Variants in PI4KA observed in about 807,000 individuals in gnomAD.
The protein encoded by PI4KA is phosphatidylinositol 4-kinase alpha.
Under a neutral mutation model 271.4 loss-of-function variants are expected in PI4KA, and 122 were observed. That is an observed-to-expected ratio of 0.45 (90% CI 0.39 to 0.52). The LOEUF is 0.52. Among genes scored for constraint, PI4KA ranks in the 20% least tolerant of loss-of-function variants. The probability of loss-of-function intolerance (pLI) is 0.00; values close to 1 mark genes in which losing one functional copy is unlikely to be tolerated. For missense variants in PI4KA, 1,969 were observed against 2,769.1 expected, an observed-to-expected ratio of 0.71 and a Z score of 6.48; for synonymous variants, 1,041 against 1,078.8, an observed-to-expected ratio of 0.96 and a Z score of 0.69.
chr22:20,839,595 G>A (rs1925300463), intron 1 of PI4KA, among the ~76,000 whole-genome samples: 1 of 152,232 alleles, frequency 6.6e-6, no homozygotes. Context: ...ACTTTGGTAG[G>A]CCGAGGCAGG....
intron 19 of PI4KA, among the ~76,000 whole-genome samples, chr22:20,791,471 T>C (rs188439215): frequency 2.6e-4 from 39 of 152,034 alleles, no homozygotes; most frequent in African/African-American, 8.7e-4. Context: ...AATCAACCAA[T>C]GGGGCCAGGC....
At chr22:20,832,178 C>A (rs551332214) in intron 3 of PI4KA, among the ~76,000 whole-genome samples, 2 of 144,066 alleles carry the variant, frequency 1.4e-5, no homozygotes, top group Non-Finnish European at 3.0e-5. Flanking sequence ...TGCAGTGGCG[C>A]GATCTCGGCT....
At position 20,747,646 on chromosome 22, in the gene PI4KA, C is replaced by A. The variant is rs776833706; in HGVS notation, c.3300G>T (p.Leu1100=). The change falls in exon 29 of 55, where the codon CTG becomes CTT. Residue 1100 remains leucine (L), a synonymous_variant. Coordinates refer to ENST00000255882, the MANE Select transcript of PI4KA (RefSeq NM_058004.4). The part of the protein sequence containing the change: ...WVSGLSQHTG[L]AMATESILHF... ...GAAGGATGCTCTCAGTGGCCATGGC[C>A]AGCCCCGTGTGCTGGGACAGTCCCG... is the stretch of plus-strand genomic sequence containing the variant. The A allele has an allele frequency of 1.2e-6, 2 of 1,614,104 alleles. No individual in the cohort carries two copies. The highest frequency in any genetic ancestry group is 4.5e-5 in the East Asian group (2 of 44,870).
In PI4KA at chr22:20,727,371, G is replaced by A. The variant is rs200428746; in HGVS notation, c.4800C>T (p.Asp1600=). 52 of 1,607,634 alleles carry A rather than the reference G, an allele frequency of 3.2e-5. 1 individual carries two copies. The highest frequency in any genetic ancestry group is 1.3e-4 in the East Asian group (6 of 44,722). The change falls in exon 41 of 55, where the codon GAC becomes GAT. Residue 1600 remains aspartate, a synonymous_variant. Coordinates refer to ENST00000255882, the MANE Select transcript of PI4KA (RefSeq NM_058004.4). ...CATGGCTGAGCTCTGGAGCATCGGC[G>A]TCGATGGTGTGCCAGGTGACCAGGA... ...IKFLVTWHTI[D]ADAPELSHVL...
At chr22:20,817,670 G>A (rs1482787258) in intron 7 of PI4KA, among the ~76,000 whole-genome samples, 1 of 126,576 alleles carries the variant, frequency 7.9e-6, no homozygotes, top group East Asian at 2.6e-4. Flanking sequence ...GAAGGTTGAA[G>A]CTGCGGTGAG....
chr22:20,729,867 C>T, intron 37 of PI4KA, 25 bp downstream of exon 37: 1 of 1,613,390 alleles, frequency 6.2e-7, no homozygotes, highest in Non-Finnish European at 8.5e-7. Flanking sequence ...CATGTGATGG[C>T]CCCAGCAGCA....
chr22:20,821,394 AT>A (rs1315671884), intron 4 of PI4KA, among the ~76,000 whole-genome samples: 2 of 149,422 alleles, frequency 1.3e-5, no homozygotes, highest in African/African-American at 4.9e-5. Flanking sequence ...AATTTTTTGT[AT>A]TTTTAGTACA....
At chr22:20,751,062 G>A (rs71312786) in intron 27 of PI4KA, among the ~76,000 whole-genome samples, 1 of 152,036 alleles carries the variant, frequency 6.6e-6, no homozygotes, top group African/African-American at 2.4e-5. Context: ...ACATGGCTGA[G>A]GTGGGGGAGC....
At chr22:20,772,809 G>T (rs362024) in intron 19 of PI4KA, among the ~76,000 whole-genome samples, 69,354 of 151,824 alleles carry the variant, frequency 0.46, 16,408 homozygotes, top group African/African-American at 0.57. Context: ...TTATCATAAG[G>T]CCGGGCACAG....
At chr22:20,783,307 CA>C (rs200714843) in intron 19 of PI4KA, among the ~76,000 whole-genome samples, 3,730 of 152,148 alleles carry the variant, frequency 0.025, 53 homozygotes, top group Non-Finnish European at 0.04. Flanking sequence ...GCCATCAAGA[CA>C]GAGCTGAGGC....
intron 45 of PI4KA, among the ~76,000 whole-genome samples, chr22:20,716,529 G>A (rs1422443497): frequency 6.6e-6 from 1 of 152,126 alleles, no homozygotes; most frequent in Non-Finnish European, 1.5e-5. Flanking sequence ...GGGAGAGGGG[G>A]GCATGCCATC....
At chr22:20,839,050 C>G (rs912566660) in intron 1 of PI4KA, among the ~76,000 whole-genome samples, 35 of 152,184 alleles carry the variant, frequency 2.3e-4, no homozygotes, top group African/African-American at 8.4e-4. Context: ...AACCCCATCT[C>G]TACTAAAAAT....
intron 7 of PI4KA, among the ~76,000 whole-genome samples, chr22:20,814,826 A>G (rs1326717998): frequency 2.6e-5 from 4 of 151,856 alleles, no homozygotes; most frequent in Non-Finnish European, 5.9e-5. Context: ...AAAAAAATCA[A>G]CAAAAATAAA....
chr22:20,803,105 G>T, intron 13 of PI4KA, 86 bp downstream of exon 13: 1 of 1,398,586 alleles, frequency 7.2e-7, no homozygotes, highest in Non-Finnish European at 1.0e-6. Context: ...AATGCACCCA[G>T]GTACAGTCAT....
At chr22:20,715,364 C>G (rs1223995310) in intron 45 of PI4KA, among the ~76,000 whole-genome samples, 2 of 152,144 alleles carry the variant, frequency 1.3e-5, no homozygotes, top group African/African-American at 4.8e-5. Flanking sequence ...GCCACTGCGC[C>G]TGGCCTTCCT....
chr22:20,826,033 C>G (rs1003316023), intron 3 of PI4KA, among the ~76,000 whole-genome samples: 2 of 152,164 alleles, frequency 1.3e-5, no homozygotes, highest in African/African-American at 4.8e-5. Flanking sequence ...CCAGCTCCAT[C>G]CATGTTGCTA....
At chr22:20,743,914 C>G (rs544119905) in intron 30 of PI4KA, among the ~76,000 whole-genome samples, 2 of 152,030 alleles carry the variant, frequency 1.3e-5, no homozygotes, top group East Asian at 3.9e-4. Flanking sequence ...ATTAGCCGGG[C>G]GTGGTGGTGG....
intron 2 of PI4KA, among the ~76,000 whole-genome samples, chr22:20,834,895 A>G (rs1601594642): frequency 1.3e-5 from 2 of 152,188 alleles, no homozygotes; most frequent in African/African-American, 4.8e-5. Flanking sequence ...AAGGGTTCGC[A>G]CCTGCCTTCT....
intron 1 of PI4KA, among the ~76,000 whole-genome samples, chr22:20,847,843 T>G (rs1926461446): frequency 6.6e-6 from 1 of 150,942 alleles, no homozygotes; most frequent in African/African-American, 2.4e-5. Flanking sequence ...ACAAAAGAAG[T>G]GCAAAACTAA....
Sources: gnomAD v4.1 joint callset for allele counts (sites outside exome capture counted in the v4.1 genomes callset) on GRCh38, gnomAD v4.1.1 for gene constraint, MANE v1.5 for transcripts, NCBI Gene and HGNC (gene_info 2026-07-23, HGNC 2026-07-21) for gene names.